Variants in MAPRE3 observed in about 807,000 individuals in gnomAD.
The protein encoded by MAPRE3 is microtubule-associated protein RP/EB family member 3.
Under a neutral mutation model 30.5 loss-of-function variants are expected in MAPRE3, and 2 were observed. That is an observed-to-expected ratio of 0.07 (90% confidence interval 0.03 to 0.21). MAPRE3 has a LOEUF of 0.21. Ranked by LOEUF, MAPRE3 falls within the 10% of genes least tolerant of loss-of-function variation. The probability of loss-of-function intolerance (pLI) is 1.00; values close to 1 mark genes in which losing one functional copy is unlikely to be tolerated. For missense variants in MAPRE3, 204 were observed against 351.8 expected, an observed-to-expected ratio of 0.58 and a Z score of 3.36; for synonymous variants, 110 against 127.7, an observed-to-expected ratio of 0.86 and a Z score of 0.93.
At chr2:27,008,641 A>G (rs1223767032) in intron 1 of MAPRE3, among the ~76,000 whole-genome samples, 1 of 152,134 alleles carries the variant, frequency 6.6e-6, no homozygotes, top group Non-Finnish European at 1.5e-5. Context: ...GGGCCTTCCA[A>G]CTACAAACTC....
chr2:26,996,613 A>G lies in MAPRE3; in HGVS notation c.-7-25599A>G, dbSNP rs1334332939. Reference sequence around the variant, plus strand: ...GTCAGGAGATCGAGACCACAGTGAAACCCCGTCTCTACTAAAAATACAAAA... The same window carrying G: ...GTCAGGAGATCGAGACCACAGTGAAGCCCCGTCTCTACTAAAAATACAAAA... On this transcript the variant is annotated intron_variant, in intron 1 of 6. Coordinates refer to ENST00000233121, the MANE Select transcript of MAPRE3 (RefSeq NM_012326.4). Among the ~76,000 whole-genome samples the G allele has an allele frequency of 3.9e-5, 6 of 152,104 alleles. No homozygotes were observed. The East Asian group carries it at 1.2e-3, about 29-fold the overall frequency.
intron 1 of MAPRE3, chr2:27,013,514 G>A (rs2148221296): frequency 6.6e-6 from 1 of 152,284 alleles, no homozygotes; most frequent in Non-Finnish European, 1.5e-5. Flanking sequence ...CACACTTTCT[G>A]AGTCCACCTG....
chr2:27,024,308 C>A lies in MAPRE3; in HGVS notation c.469+11C>A. ...TCATTGGCACAGCAGGTAACGTGCC[C>A]GAGCCGGGGGAGGGAGCGTGGGGGG... On this transcript the variant is annotated intron_variant, in intron 4 of 6. Coordinates refer to ENST00000233121, the MANE Select transcript of MAPRE3 (RefSeq NM_012326.4). 6.2e-7 allele frequency: 1 copy of A among 1,610,556 alleles called. No individual in the cohort carries two copies. Among genetic ancestry groups the A allele is most frequent in the South Asian group, 1.1e-5 (1 of 90,750 alleles).
intron 1 of MAPRE3, among the ~76,000 whole-genome samples, chr2:26,992,260 C>T (rs1433611157): frequency 2.0e-5 from 3 of 147,152 alleles, no homozygotes; most frequent in Admixed American, 6.8e-5. Context: ...GAGTTTCGCT[C>T]TTGTTGCCCA....
At chr2:27,013,275 G>C (rs1666901808) in intron 1 of MAPRE3, 1 of 152,272 alleles carries the variant, frequency 6.6e-6, no homozygotes, top group African/African-American at 2.4e-5. Context: ...GAGTTACCAG[G>C]TTCCACTCTC....
intron 1 of MAPRE3, among the ~76,000 whole-genome samples, chr2:27,017,217 G>A (rs1292437653): frequency 1.3e-5 from 2 of 152,198 alleles, no homozygotes; most frequent in Non-Finnish European, 2.9e-5. Flanking sequence ...GGGTGCCCTG[G>A]ATGAGTCCTC....
Position 27,026,800 on chromosome 2 carries a change from T to G in MAPRE3, c.*452T>G. 1 of 158,238 alleles carries G rather than the reference T, an allele frequency of 6.3e-6. No homozygotes were observed. The highest frequency in any genetic ancestry group is 1.4e-5 in the Non-Finnish European group (1 of 72,024). 9.8% of individuals were successfully genotyped at this position (158,238 alleles called of 1,614,324 possible). A position where few individuals can be genotyped will look rare whatever the true frequency, so the allele number is the denominator to read the frequency against. On this transcript the variant is annotated 3_prime_UTR_variant, in exon 7 of 7. Coordinates refer to ENST00000233121, the MANE Select transcript of MAPRE3 (RefSeq NM_012326.4). ...TGCCTGGCTTGGCTTCCCTTCCCCA[T>G]GGCTGGGGGCTGGGGTAGGACTCAC...
At chr2:27,009,133 A>T (rs1014559502) in intron 1 of MAPRE3, among the ~76,000 whole-genome samples, 3 of 152,192 alleles carry the variant, frequency 2.0e-5, no homozygotes, top group African/African-American at 7.2e-5. Context: ...TAGGGTGGTG[A>T]TTCCATGAAT....
chr2:26,996,398 A>G (rs1666460255), intron 1 of MAPRE3, among the ~76,000 whole-genome samples: 1 of 151,992 alleles, frequency 6.6e-6, no homozygotes, highest in African/African-American at 2.4e-5. Context: ...CTCAAGCGAT[A>G]TTCCTGCCTC....
intron 2 of MAPRE3, 172 bp downstream of exon 2, chr2:27,022,511 A>G (rs1409917901): frequency 1.2e-6 from 1 of 843,936 alleles, no homozygotes; most frequent in Non-Finnish European, 1.8e-6. Flanking sequence ...CACAGAGTGT[A>G]TTTACACAAA....
At chr2:26,995,835 G>GTGTGTGTGTGTA in intron 1 of MAPRE3, among the ~76,000 whole-genome samples, 1 of 149,758 alleles carries the variant, frequency 6.7e-6, no homozygotes, top group African/African-American at 2.5e-5. Context: ...GTGTGTATGT[G>GTGTGTGTGTGTA]TGTGTGTTTT....
chr2:26,973,010 A>C (rs970493599), intron 1 of MAPRE3, among the ~76,000 whole-genome samples: 7 of 152,226 alleles, frequency 4.6e-5, no homozygotes, highest in African/African-American at 2.4e-5. Context: ...AGTTAGACCT[A>C]AATCTATGTA....
intron 1 of MAPRE3, among the ~76,000 whole-genome samples, chr2:26,976,933 G>A (rs1384592113): frequency 6.6e-6 from 1 of 152,198 alleles, no homozygotes; most frequent in Non-Finnish European, 1.5e-5. Flanking sequence ...ATTTATTAAT[G>A]CAACATTACT....
intron 1 of MAPRE3, among the ~76,000 whole-genome samples, chr2:26,999,855 A>T (rs1261335113): frequency 6.6e-6 from 1 of 151,960 alleles, no homozygotes; most frequent in Admixed American, 6.6e-5. Context: ...TTTTTGGCAG[A>T]TTTTTTTAAC....
chr2:26,970,907 C>T (rs1232041326), intron 1 of MAPRE3, 105 bp downstream of exon 1: 2 of 151,134 alleles, frequency 1.3e-5, no homozygotes, highest in Non-Finnish European at 3.0e-5. Context: ...TGCCTCCCCA[C>T]CCGCACTCCC....
chr2:27,011,837 C>G (rs1170039288), intron 1 of MAPRE3: 1 of 114,978 alleles, frequency 8.7e-6, no homozygotes, highest in East Asian at 2.4e-4. Context: ...CAAAGCGAGA[C>G]TCCATCTCAA....
intron 1 of MAPRE3, among the ~76,000 whole-genome samples, chr2:27,011,546 G>A (rs777024750): frequency 2.6e-5 from 4 of 152,060 alleles, no homozygotes; most frequent in Admixed American, 6.6e-5. Context: ...CTTGCTGGTC[G>A]AGATTAAGGC....
intron 1 of MAPRE3, among the ~76,000 whole-genome samples, chr2:27,016,782 G>T (rs1414083907): frequency 1.3e-5 from 2 of 152,186 alleles, no homozygotes; most frequent in Admixed American, 1.3e-4. Context: ...CTGGTCTGGT[G>T]TGAGTCCAGG....
chr2:26,974,688 A>G (rs912272191), intron 1 of MAPRE3, among the ~76,000 whole-genome samples: 2 of 152,198 alleles, frequency 1.3e-5, no homozygotes, highest in African/African-American at 2.4e-5. Context: ...CCATCCAGCC[A>G]TCTCCTGGCT....
Sources: allele counts gnomAD v4.1 joint callset (sites outside exome capture counted in the v4.1 genomes callset), GRCh38; gene constraint gnomAD v4.1.1; transcripts MANE v1.5; gene names NCBI Gene and HGNC (gene_info 2026-07-23, HGNC 2026-07-21).